The following CNTNAP3 variants were observed in gnomAD, a reference collection of about 807,000 sequenced individuals.
The protein encoded by CNTNAP3 is contactin associated protein family member 3.
Under a neutral mutation model 92.1 loss-of-function variants are expected in CNTNAP3, and 36 were observed. That is an observed-to-expected ratio of 0.39 (90% CI 0.30 to 0.52). The LOEUF is 0.52. Ranked by LOEUF, CNTNAP3 falls within the 20% of genes least tolerant of loss-of-function variation. CNTNAP3 has a pLI of 0.76. For missense variants in CNTNAP3, 534 were observed against 1,069.6 expected (o/e 0.50, Z 6.98); for synonymous variants, 232 against 422.3 (o/e 0.55, Z 5.53).
chr9:39,087,633 C>G (rs1444689820), intron 19 of CNTNAP3, among the ~76,000 whole-genome samples: 2 of 152,076 alleles, frequency 1.3e-5, no homozygotes, highest in African/African-American at 4.8e-5. Flanking sequence ...ACTACAGGTG[C>G]CCACCACCAT....
In CNTNAP3 at chr9:39,284,518, T is replaced by C. The variant is rs1013837688; in HGVS notation, c.85+3462A>G. Among the ~76,000 whole-genome samples the C allele has an allele frequency of 6.9e-3, 123 of 17,912 alleles. 37 individuals carry two copies. The South Asian group carries it at 0.43, about 63-fold the overall frequency. 11.8% of individuals were successfully genotyped at this position (17,912 alleles called of 152,430 possible). A position where few individuals can be genotyped will look rare whatever the true frequency, so the allele number is the denominator to read the frequency against. On this transcript the variant is annotated intron_variant, in intron 1 of 23. Coordinates refer to ENST00000297668, the MANE Select transcript of CNTNAP3 (RefSeq NM_033655.5). Reference sequence around the variant, plus strand: ...AAGTAATTTGATTTTTCTTTTTTCATGATCAAACCAATGTCTTGGAATTGA... The same window carrying C: ...AAGTAATTTGATTTTTCTTTTTTCACGATCAAACCAATGTCTTGGAATTGA...
intron 14 of CNTNAP3, among the ~76,000 whole-genome samples, chr9:39,113,979 C>A (rs1362627672): frequency 6.9e-6 from 1 of 144,618 alleles, no homozygotes. Flanking sequence ...TATATACACA[C>A]ACACATATAT....
intron 18 of CNTNAP3, among the ~76,000 whole-genome samples, chr9:39,097,139 T>TA (rs1177291613): frequency 6.6e-6 from 1 of 152,166 alleles, no homozygotes; most frequent in Non-Finnish European, 1.5e-5. Context: ...TTTTCTCTGT[T>TA]AAACTTCCCT....
At chr9:39,151,878 CCAAT>C (rs1408486652) in intron 9 of CNTNAP3, among the ~76,000 whole-genome samples, 1 of 149,286 alleles carries the variant, frequency 6.7e-6, no homozygotes, top group Non-Finnish European at 1.5e-5. Context: ...CTTTCTTTTC[CCAAT>C]CATTCAAATA....
chr9:39,144,453 A>G, intron 10 of CNTNAP3, 107 bp from the exon 11 acceptor site: 1 of 1,475,442 alleles, frequency 6.8e-7, no homozygotes, highest in Admixed American at 2.3e-5. Context: ...AAAGAGCAGC[A>G]TATGCAAGAT....
At chr9:39,108,675 G>A (rs1021426936) in intron 15 of CNTNAP3, among the ~76,000 whole-genome samples, 2 of 152,100 alleles carry the variant, frequency 1.3e-5, no homozygotes, top group African/African-American at 4.8e-5. Flanking sequence ...GTGGAGGAGC[G>A]AGGACTTGAC....
intron 15 of CNTNAP3, chr9:39,106,340 G>C (rs1247699497): frequency 6.6e-6 from 1 of 151,630 alleles, no homozygotes; most frequent in African/African-American, 2.4e-5. Flanking sequence ...ACCCAGGCTG[G>C]AGTGCAGTGG....
In CNTNAP3 at chr9:39,161,757, G is replaced by A. The variant is rs552600842; in HGVS notation, c.1477+4176C>T. On this transcript the variant is annotated intron_variant, in intron 9 of 23. Coordinates refer to ENST00000297668, the MANE Select transcript of CNTNAP3 (RefSeq NM_033655.5). ...AGGCTAATCAGGAGGCTGAGGTGGG[G>A]GAACCTCTTAAAGCCTGGGAGGTTG... 2.8e-3 allele frequency among the ~76,000 whole-genome samples: 364 copies of A among 131,090 alleles called. 12 individuals carry two copies. Among genetic ancestry groups the A allele is most frequent in the Non-Finnish European group, 4.9e-3 (302 of 61,896 alleles). The allele number at this position is 131,090 out of a possible 152,430, so 86.0% of individuals were successfully genotyped here.
At chr9:39,148,799 A>G (rs1821769941) in intron 10 of CNTNAP3, among the ~76,000 whole-genome samples, 1 of 152,214 alleles carries the variant, frequency 6.6e-6, no homozygotes, top group South Asian at 2.1e-4. Context: ...AGCTGGGATT[A>G]CAGGCGTGAG....
At position 39,068,752 on chromosome 9, in the gene CNTNAP3, GCTAT is replaced by G. The variant is rs1339063386; in HGVS notation, c.*5134_*5137del. Among the ~76,000 whole-genome samples, 2 of 152,310 alleles carry G rather than the reference GCTAT, an allele frequency of 1.3e-5. No homozygotes were observed. The highest frequency in any genetic ancestry group is 6.5e-5 in the Admixed American group (1 of 15,294). On this transcript the variant is annotated 3_prime_UTR_variant, in exon 24 of 24. Transcript: ENST00000297668. ...TCAGAGACTTGCTAGGCTTCCTTAA[GCTAT>G]CTATCTCCATTGTCACTGCTGTCTC...
chr9:39,133,015 A>T lies in CNTNAP3; in HGVS notation c.1997T>A (p.Leu666Gln). The T allele has an allele frequency of 1.9e-6, 3 of 1,541,796 alleles. No individual in the cohort carries two copies. The South Asian group carries it at 3.5e-5, about 18-fold the overall frequency. Residue 666 changes from leucine (L) to glutamine (Q), a missense_variant, in exon 13 of 24, where the codon CTG becomes CAG. Physicochemically the swap from Leu to Gln is moderately radical, Grantham distance 113. Coordinates refer to ENST00000297668, the MANE Select transcript of CNTNAP3 (RefSeq NM_033655.5). ...SFAYAAGAGQ[L>Q]RSAVNLAERC... is the part of the protein sequence containing the mutation. ...CTCCGCCAGGTTCACCGCGGACCGC[A>T]GCTGCCCCGCGCCCGCTGCGTACGC...
chr9:39,077,669 T>C (rs1825816033), intron 23 of CNTNAP3, among the ~76,000 whole-genome samples: 1 of 152,200 alleles, frequency 6.6e-6, no homozygotes, highest in African/African-American at 2.4e-5. Flanking sequence ...AAAAGTACCA[T>C]AAAGTGTATG....
rs1239427586 is a variant in CNTNAP3 at position 39,073,513 on chromosome 9, G to C, written c.*377C>G. On this transcript the variant is annotated 3_prime_UTR_variant, in exon 24 of 24. Transcript: ENST00000297668. Reference sequence around the variant, plus strand: ...TCTGTCATTTTTAAAAAATAAAGTAGGGCCACAGCTTTATAGCCATTTTCT... The same window carrying C: ...TCTGTCATTTTTAAAAAATAAAGTACGGCCACAGCTTTATAGCCATTTTCT... 4 of 278,686 alleles carry C rather than the reference G, an allele frequency of 1.4e-5. No individual in the cohort carries two copies. Among genetic ancestry groups the C allele is most frequent in the African/African-American group, 8.8e-5 (4 of 45,432 alleles). The allele number at this position is 278,686 out of a possible 1,614,324, so 17.3% of individuals were successfully genotyped here.
chr9:39,140,225 T>C (rs1029232109), intron 12 of CNTNAP3, among the ~76,000 whole-genome samples: 1 of 150,130 alleles, frequency 6.7e-6, no homozygotes, highest in Non-Finnish European at 1.5e-5. Context: ...AGAAAGCATG[T>C]AAATTACCGA....
intron 10 of CNTNAP3, among the ~76,000 whole-genome samples, chr9:39,145,695 T>C (rs1219525348): frequency 1.5e-5 from 2 of 136,062 alleles, no homozygotes; most frequent in African/African-American, 5.2e-5. Context: ...CATAATTACA[T>C]GGTGTTAATG....
chr9:39,087,241 A>G (rs1223859148), intron 19 of CNTNAP3, among the ~76,000 whole-genome samples: 4 of 152,360 alleles, frequency 2.6e-5, no homozygotes, highest in East Asian at 3.9e-4. Flanking sequence ...TCCTGTAATT[A>G]TAACTTCTAA....
rs1000390526 is a variant in CNTNAP3, at chr9:39,145,049, T to G, written c.1650-703A>C. 2.8e-4 allele frequency among the ~76,000 whole-genome samples: 40 copies of G among 140,408 alleles called. 5 individuals carry two copies. Among genetic ancestry groups the G allele is most frequent in the African/African-American group, 1.0e-3 (40 of 39,016 alleles). 92.1% of individuals were successfully genotyped at this position (140,408 alleles called of 152,430 possible). On this transcript the variant is annotated intron_variant, in intron 10 of 23. Coordinates refer to ENST00000297668, the MANE Select transcript of CNTNAP3 (RefSeq NM_033655.5). ...CCAAAACAATCTTGAAAAAGAACAG[T>G]TGGAGGTCTCACACTTTCAGAATTC...
Position 39,133,155 on chromosome 9 carries a change from G to A in CNTNAP3, c.1877-20C>T. The A allele has an allele frequency of 6.4e-7, 1 of 1,565,842 alleles. No individual in the cohort carries two copies. The highest frequency in any genetic ancestry group is 2.3e-5 in the East Asian group (1 of 43,466). ...CGTCTGCTGAGCAGAAACGGGCAAA[G>A]GAGAGGCATCACTGGACGGCAGAGG... On this transcript the variant is annotated intron_variant, in intron 12 of 23. Transcript: ENST00000297668.
intron 13 of CNTNAP3, among the ~76,000 whole-genome samples, chr9:39,123,253 C>T (rs945578534): frequency 4.6e-5 from 7 of 151,904 alleles, no homozygotes; most frequent in African/African-American, 1.7e-4. Flanking sequence ...CGCCACCACG[C>T]CCGGCTAATT....
Sources: allele counts gnomAD v4.1 joint callset (sites outside exome capture counted in the v4.1 genomes callset), GRCh38; gene constraint gnomAD v4.1.1; transcripts MANE v1.5; gene names NCBI Gene and HGNC (gene_info 2026-07-23, HGNC 2026-07-21).